The following BCR variants were observed in gnomAD, a reference collection of about 807,000 sequenced individuals.
BCR encodes the protein breakpoint cluster region protein.
Under a neutral mutation model 138.6 loss-of-function variants are expected in BCR, and 58 were observed. The observed-to-expected ratio is 0.42, with a 90% CI of 0.34 to 0.52. The LOEUF (loss-of-function observed/expected upper bound fraction) is 0.52, where lower values mean the gene tolerates loss of function less well. BCR is among the 20% of genes least tolerant of loss of function. BCR has a pLI of 0.06. For missense variants in BCR, 1,599 were observed against 1,727.2 expected (o/e 0.93, Z 1.32); for synonymous variants, 786 against 730.1 (o/e 1.08, Z -1.23).
intron 16 of BCR, among the ~76,000 whole-genome samples, chr22:23,299,796 G>A (rs2073884843): frequency 6.6e-6 from 1 of 151,990 alleles, no homozygotes; most frequent in African/African-American, 2.4e-5. Flanking sequence ...CCCTCTCACA[G>A]ATGAAGGTGC....
chr22:23,181,750 A>G lies in BCR; in HGVS notation c.790A>G (p.Asn264Asp). Residue 264 changes from asparagine to aspartate, a missense_variant, in exon 1 of 23, where the codon AAT becomes GAT. Transcript: ENST00000305877. ...CCTGAAGGACAACCTGATCGACGCCAATGGCGGTAGCAGGCCCCCTTGGCC... is the reference window on the plus strand; with the variant it reads ...CCTGAAGGACAACCTGATCGACGCCGATGGCGGTAGCAGGCCCCCTTGGCC... ...RFLKDNLIDA[N>D]GGSRPPWPPL... 1 of 1,604,886 alleles carries G rather than the reference A, an allele frequency of 6.2e-7. No homozygotes were observed. Among genetic ancestry groups the G allele is most frequent in the Non-Finnish European group, 8.5e-7 (1 of 1,179,942 alleles).
intron 8 of BCR, among the ~76,000 whole-genome samples, chr22:23,279,394 C>T (rs2073616446): frequency 6.6e-6 from 1 of 152,236 alleles, no homozygotes; most frequent in Non-Finnish European, 1.5e-5. Flanking sequence ...GTATATTGGC[C>T]TGCCTGGTGA....
At chr22:23,208,642 CAG>C (rs1012703730) in intron 1 of BCR, among the ~76,000 whole-genome samples, 3 of 152,124 alleles carry the variant, frequency 2.0e-5, no homozygotes, top group Admixed American at 6.5e-5. Flanking sequence ...CACCTGAAGT[CAG>C]GAGTTCAAGA....
In BCR at chr22:23,261,525, C is replaced by T; in HGVS notation, c.1737C>T (p.Asp579=). Residue 579 remains aspartate, a synonymous_variant, in exon 4 of 23, where the codon GAC becomes GAT. Transcript: ENST00000305877. ...QQWSHQQRVG[D]LFQKLASQLG... ...GGAGCCACCAGCAGCGGGTGGGCGA[C>T]CTCTTCCAGAAGCTGGTGAGTAACC... is the stretch of plus-strand genomic sequence containing the variant. 1 of 1,612,362 alleles carries T rather than the reference C, an allele frequency of 6.2e-7. No individual in the cohort carries two copies. The highest frequency in any genetic ancestry group is 8.5e-7 in the Non-Finnish European group (1 of 1,180,018).
chr22:23,180,859 T>C lies in BCR; in HGVS notation c.-102T>C, dbSNP rs1294048253. 2.8e-6 allele frequency: 2 copies of C among 714,464 alleles called. No homozygotes were observed. Among genetic ancestry groups the C allele is most frequent in the South Asian group, 1.2e-4 (2 of 16,114 alleles). The allele number at this position is 714,464 out of a possible 1,614,324, so 44.3% of individuals were successfully genotyped here. A position where few individuals can be genotyped will look rare whatever the true frequency, so the allele number is the denominator to read the frequency against. On this transcript the variant is annotated 5_prime_UTR_variant, in exon 1 of 23. An upstream start codon of the reference 5' UTR is lost. Coordinates refer to ENST00000305877, the MANE Select transcript of BCR (RefSeq NM_004327.4). ...GCCGCCGCCGCCGCCGCGCGGGCCA[T>C]GGGGGCCGCCCGGCGCCCGGGGCCG...
At chr22:23,263,364 G>A in intron 4 of BCR, 10 of 1,216,360 alleles carry the variant, frequency 8.2e-6, no homozygotes, top group African/African-American at 1.5e-5. Context: ...GCTCAACTCC[G>A]GCTTCACGCG....
chr22:23,289,658 GGGA>G lies in BCR; in HGVS notation c.2707+40_2707+42del, dbSNP rs767214688. On this transcript the variant is annotated intron_variant, in intron 13 of 22. Transcript: ENST00000305877. ...CGTTTCCGTGTACAGGGCACCTGCA[GGGA>G]GGGCAGGCAGCTAGCCTGAAGGCTG... The G allele has an allele frequency of 1.3e-5, 21 of 1,558,168 alleles. No individual in the cohort carries two copies. The African/African-American group carries it at 2.9e-4, about 21-fold the overall frequency.
chr22:23,210,958 T>A (rs2072674830), intron 1 of BCR, among the ~76,000 whole-genome samples: 1 of 152,200 alleles, frequency 6.6e-6, no homozygotes, highest in Non-Finnish European at 1.5e-5. Flanking sequence ...CATTCAGTGG[T>A]GGTTAGTATT....
intron 1 of BCR, among the ~76,000 whole-genome samples, chr22:23,234,670 G>GTCAGATTTTTTCAAGGAGGGGTGTCTT (rs369752079): frequency 2.7e-5 from 4 of 146,226 alleles, no homozygotes; most frequent in Admixed American, 6.8e-5. Context: ...TCTGGATGGG[G>GTCAGATTTTTTCAAGGAGGGGTGTCTT]AAGGTGTGAG....
At chr22:23,298,286 G>T (rs1407625743) in intron 16 of BCR, among the ~76,000 whole-genome samples, 1 of 152,164 alleles carries the variant, frequency 6.6e-6, no homozygotes, top group Non-Finnish European at 1.5e-5. Flanking sequence ...ATGGCGTGGG[G>T]TGAGGAATCT....
At chr22:23,272,148 A>G (rs368256616) in intron 6 of BCR, among the ~76,000 whole-genome samples, 6 of 152,342 alleles carry the variant, frequency 3.9e-5, no homozygotes, top group Non-Finnish European at 8.8e-5. Context: ...TGTTTTTGCC[A>G]ATGACAAGTT....
intron 1 of BCR, among the ~76,000 whole-genome samples, chr22:23,219,978 A>T (rs1352565720): frequency 6.6e-6 from 1 of 152,164 alleles, no homozygotes; most frequent in African/African-American, 2.4e-5. Flanking sequence ...GCATTGAGTC[A>T]TCCTGTTACC....
At chr22:23,266,568 T>C (rs2073443823) in intron 4 of BCR, among the ~76,000 whole-genome samples, 1 of 152,172 alleles carries the variant, frequency 6.6e-6, no homozygotes, top group Admixed American at 6.5e-5. Flanking sequence ...TTTTGTATTT[T>C]CAGTAGAAAC....
At chr22:23,218,905 G>GCCGAGGGTGAGGTCGCAGC (rs1389428125) in intron 1 of BCR, among the ~76,000 whole-genome samples, 1 of 152,230 alleles carries the variant, frequency 6.6e-6, no homozygotes, top group Non-Finnish European at 1.5e-5. Flanking sequence ...GAGGCCCCTT[G>GCCGAGGGTGAGGTCGCAGC]CCGAGGGTGA....
At chr22:23,306,650 G>T (rs527749230) in intron 16 of BCR, 2 of 152,364 alleles carry the variant, frequency 1.3e-5, no homozygotes, top group Admixed American at 6.5e-5. Context: ...AGTGGAACCC[G>T]GAGGTGATGG....
At chr22:23,232,542 AC>A (rs2072970965) in intron 1 of BCR, among the ~76,000 whole-genome samples, 1 of 151,964 alleles carries the variant, frequency 6.6e-6, no homozygotes, top group African/African-American at 2.4e-5. Context: ...CCAGAGCACC[AC>A]CCTTTACCTG....
chr22:23,273,656 C>G lies in BCR; in HGVS notation c.1997C>G (p.Ala666Gly), dbSNP rs777560758. ...VLHDLLKHTPASHPDHPLLQD... is the reference protein window; with the variant it reads ...VLHDLLKHTPGSHPDHPLLQD... ...CAGGACTTGCTGAAGCACACTCCTGCCAGCCACCCTGACCACCCCTTGCTG... is the reference window on the plus strand; with the variant it reads ...CAGGACTTGCTGAAGCACACTCCTGGCAGCCACCCTGACCACCCCTTGCTG... Residue 666 changes from alanine (A) to glycine (G), a missense_variant, in exon 8 of 23, where the codon GCC (alanine) becomes GGC (glycine). This residue lies in a region of BCR where 590 missense variants were observed against 762.4 expected (regional missense o/e 0.77). Transcript: ENST00000305877. The G allele has an allele frequency of 6.2e-7, 1 of 1,613,936 alleles. No homozygotes were observed. Among genetic ancestry groups the G allele is most frequent in the South Asian group, 1.1e-5 (1 of 91,088 alleles).
intron 5 of BCR, among the ~76,000 whole-genome samples, chr22:23,270,596 T>C (rs2073498967): frequency 6.6e-6 from 1 of 152,174 alleles, no homozygotes; most frequent in Admixed American, 6.5e-5. Flanking sequence ...TCAGGAAAGG[T>C]ACCAAAGTGC....
chr22:23,185,720 T>TG (rs2072333037), intron 1 of BCR, among the ~76,000 whole-genome samples: 1 of 138,782 alleles, frequency 7.2e-6, no homozygotes, highest in African/African-American at 2.6e-5. Context: ...TGGTTCTCTC[T>TG]GTTTTTTTTG....
Sources: gnomAD v4.1 joint callset for allele counts (sites outside exome capture counted in the v4.1 genomes callset) on GRCh38, gnomAD v4.1.1 for gene constraint, gnomAD v4.1.1 regional missense constraint, MANE v1.5 for transcripts, NCBI Gene and HGNC (gene_info 2026-07-23, HGNC 2026-07-21) for gene names.